The following TUSC3 variants were observed in gnomAD, a reference collection of about 807,000 sequenced individuals.
The protein encoded by TUSC3 is dolichyl-diphosphooligosaccharide--protein glycosyltransferase subunit TUSC3.
TUSC3 carries 45 observed loss-of-function variants against 44.8 expected under a neutral mutation model. That is an observed-to-expected ratio of 1.00 (90% CI 0.79 to 1.29). The LOEUF (loss-of-function observed/expected upper bound fraction) is 1.29. TUSC3 is among the 50% of genes most tolerant of loss of function. The pLI is 0.00. For synonymous variants in TUSC3, 212 were observed against 152.9 expected (o/e 1.39, Z -2.85); for missense variants, 519 against 437.9 (o/e 1.19, Z -1.65).
intron 2 of TUSC3, among the ~76,000 whole-genome samples, chr8:15,498,904 C>G (rs1200155567): frequency 1.3e-5 from 2 of 152,192 alleles, no homozygotes; most frequent in Non-Finnish European, 2.9e-5. Context: ...TCCCATATTA[C>G]TTATAGTGTT....
chr8:15,454,290 A>C (rs1387619308), intron 1 of TUSC3, among the ~76,000 whole-genome samples: 1 of 152,172 alleles, frequency 6.6e-6, no homozygotes, highest in African/African-American at 2.4e-5. Context: ...AAAGCTTCTT[A>C]ATAAACTTTC....
intron 2 of TUSC3, among the ~76,000 whole-genome samples, chr8:15,648,455 A>G (rs1215925538): frequency 6.6e-6 from 1 of 151,892 alleles, no homozygotes; most frequent in Non-Finnish European, 1.5e-5. Context: ...GGCTGGGCGC[A>G]GTGGCTCACG....
chr8:15,616,727 C>T (rs183974805), intron 1 of TUSC3, among the ~76,000 whole-genome samples: 2 of 152,268 alleles, frequency 1.3e-5, no homozygotes, highest in Middle Eastern at 6.8e-3. Flanking sequence ...GGGCTCTGAC[C>T]TCGAGACTCC....
At chr8:15,675,495 T>A (rs537350330) in intron 6 of TUSC3, among the ~76,000 whole-genome samples, 2 of 152,048 alleles carry the variant, frequency 1.3e-5, no homozygotes, top group African/African-American at 4.8e-5. Flanking sequence ...CCTGTGCAGG[T>A]TAGTTACATT....
chr8:15,507,912 G>T (rs963923280), intron 2 of TUSC3, among the ~76,000 whole-genome samples: 1 of 152,098 alleles, frequency 6.6e-6, no homozygotes, highest in Non-Finnish European at 1.5e-5. Flanking sequence ...AATAGAGGAG[G>T]TAAAACTTGA....
At chr8:15,686,895 C>T (rs149350072) in intron 6 of TUSC3, among the ~76,000 whole-genome samples, 2,930 of 151,652 alleles carry the variant, frequency 0.019, 97 homozygotes, top group African/African-American at 0.066. Context: ...AGTGAAACCC[C>T]GTCTCTACTA....
At chr8:15,842,693 A>C in the TUSC3 span, among the ~76,000 whole-genome samples, 2 of 152,306 alleles carry the variant, frequency 1.3e-5, no homozygotes, top group Admixed American at 6.5e-5. Context: ...TCCTAAGAAA[A>C]ACAGAAAAAT....
the TUSC3 span, among the ~76,000 whole-genome samples, chr8:15,802,098 T>C: frequency 1.3e-5 from 2 of 152,190 alleles, no homozygotes; most frequent in African/African-American, 2.4e-5. Context: ...GTTCCGTTCA[T>C]GCGCCTGTGA....
chr8:15,692,157 TA>T (rs1239306513), intron 6 of TUSC3, among the ~76,000 whole-genome samples: 1 of 152,182 alleles, frequency 6.6e-6, no homozygotes, highest in Non-Finnish European at 1.5e-5. Flanking sequence ...CAACATTGCA[TA>T]CCAGGGATAA....
chr8:15,841,109 G>A, the TUSC3 span, among the ~76,000 whole-genome samples: 4 of 152,006 alleles, frequency 2.6e-5, no homozygotes, highest in Non-Finnish European at 5.9e-5. Flanking sequence ...TCACAGCCAC[G>A]TAGCCAGTAT....
At position 15,612,288 on chromosome 8, in the gene TUSC3, A is replaced by G. The variant is rs10503546; in HGVS notation, c.139-10792A>G. Among the ~76,000 whole-genome samples, 1,497 of 152,276 alleles carry G rather than the reference A, an allele frequency of 9.8e-3. 59 individuals are homozygous for G. In the East Asian group the frequency reaches 0.11, roughly 11 times the overall value. ...ATCTTGGTTAAAGACATGAGACCAC[A>G]TATCTTTTTGCCTTGGTACATCTGG... On this transcript the variant is annotated intron_variant, in intron 1 of 10. Transcript: ENST00000503731.
At chr8:15,755,342 A>C (rs1227632746) in intron 9 of TUSC3, among the ~76,000 whole-genome samples, 1 of 152,204 alleles carries the variant, frequency 6.6e-6, no homozygotes, top group East Asian at 1.9e-4. Context: ...CTGATTACTC[A>C]ATAAATGTTT....
At chr8:15,775,370 G>C in the TUSC3 span, among the ~76,000 whole-genome samples, 1 of 152,010 alleles carries the variant, frequency 6.6e-6, no homozygotes, top group Non-Finnish European at 1.5e-5. Flanking sequence ...AAATATTCTG[G>C]AGAGTGATGA....
intron 2 of TUSC3, among the ~76,000 whole-genome samples, chr8:15,490,607 C>G (rs925484134): frequency 2.0e-5 from 3 of 152,204 alleles, no homozygotes; most frequent in Admixed American, 6.5e-5. Context: ...GTGCAGCTGC[C>G]AGGTGTGCTG....
the TUSC3 span, among the ~76,000 whole-genome samples, chr8:15,803,431 G>C: frequency 6.6e-6 from 1 of 152,070 alleles, no homozygotes; most frequent in Non-Finnish European, 1.5e-5. Flanking sequence ...AATTGAAGAT[G>C]AGAAAGGTCA....
At chr8:15,468,622 T>C (rs1800445724) in intron 1 of TUSC3, among the ~76,000 whole-genome samples, 1 of 152,160 alleles carries the variant, frequency 6.6e-6, no homozygotes, top group Non-Finnish European at 1.5e-5. Flanking sequence ...GGGGCTTTAG[T>C]AATAATCATC....
At chr8:15,710,225 C>G (rs1475329112) in intron 6 of TUSC3, among the ~76,000 whole-genome samples, 4 of 151,884 alleles carry the variant, frequency 2.6e-5, no homozygotes, top group African/African-American at 9.7e-5. Context: ...CACCCTTCCT[C>G]TTAATTTAAT....
intron 2 of TUSC3, among the ~76,000 whole-genome samples, chr8:15,644,297 A>AG (rs1252497830): frequency 2.6e-5 from 4 of 152,196 alleles, no homozygotes; most frequent in African/African-American, 9.6e-5. Flanking sequence ...TGCCCTCTTC[A>AG]GGCTGCATAA....
rs1420153973 is a variant in TUSC3 at position 15,540,453 on chromosome 8, C to T, written c.23C>T (p.Ser8Leu). 30 of 1,603,390 alleles carry T rather than the reference C, an allele frequency of 1.9e-5. No homozygotes were observed. Among genetic ancestry groups the T allele is most frequent in the Non-Finnish European group, 2.4e-5 (28 of 1,175,942 alleles). ...GCGATGGGGGCCCGGGGCGCTCCTT[C>T]ACGCCGTAGGCAAGCGGGGCGGCGG... MGARGAP[S>L]RRRQAGRRLR... Residue 8 changes from serine to leucine, a missense_variant, in exon 1 of 11, where the codon TCA (serine) becomes TTA (leucine). Ser to Leu is a moderately radical substitution (Grantham distance 145, BLOSUM62 -2). Coordinates refer to ENST00000503731, the MANE Select transcript of TUSC3 (RefSeq NM_006765.4).
Sources: allele counts gnomAD v4.1 joint callset (sites outside exome capture counted in the v4.1 genomes callset), GRCh38; gene constraint gnomAD v4.1.1; transcripts MANE v1.5; gene names NCBI Gene and HGNC (gene_info 2026-07-23, HGNC 2026-07-21).